The following PDE6C variants were observed in gnomAD, a reference collection of about 807,000 sequenced individuals.
PDE6C encodes phosphodiesterase 6C.
In PDE6C, 75 loss-of-function variants were observed where a neutral mutation model predicts 113.1. The ratio of observed to expected loss-of-function variants is 0.66; its 90% CI spans 0.55 to 0.80. PDE6C has a LOEUF of 0.80. Ranked by LOEUF, PDE6C falls within the 30% of genes least tolerant of loss-of-function variation. PDE6C has a pLI of 0.00. For synonymous variants in PDE6C, 375 were observed against 363.7 expected, an observed-to-expected ratio of 1.03 and a Z score of -0.35; for missense variants, 912 against 1,038.6, an observed-to-expected ratio of 0.88 and a Z score of 1.67.
At chr10:93,619,724 C>A (rs544668753) in intron 1 of PDE6C, among the ~76,000 whole-genome samples, 2 of 152,218 alleles carry the variant, frequency 1.3e-5, no homozygotes, top group African/African-American at 4.8e-5. Flanking sequence ...CCCCGCCCAG[C>A]CTCAGAATGT....
rs1328017393 is a variant in PDE6C, at chr10:93,625,651, T to C, written c.939+2T>C. On this transcript the variant is annotated splice_donor_variant, in intron 5 of 21. Transcript: ENST00000371447. LOFTEE classifies it high-confidence loss of function. ...GGTCCAAAGACACCTGATGGCAGGG[T>C]ACGTGCAAATGTCTTCCTTGATGCC... 1.2e-6 allele frequency: 2 copies of C among 1,604,018 alleles called. No individual in the cohort carries two copies. The highest frequency in any genetic ancestry group is 4.5e-5 in the East Asian group (2 of 44,824).
chr10:93,662,590 T>C lies in PDE6C; in HGVS notation c.2314T>C (p.Leu772=). 2.7e-6 allele frequency: 4 copies of C among 1,506,576 alleles called. No individual in the cohort carries two copies. The highest frequency in any genetic ancestry group is 3.7e-6 in the Non-Finnish European group (4 of 1,082,072). The allele number at this position is 1,506,576 out of a possible 1,614,324, so 93.3% of individuals were successfully genotyped here. ...PMMDRNKRDE[L]PKLQVGFIDF... ...GATGGACAGAAACAAAAGAGATGAATTACCTAAACTTCAAGTTGGATTTAT... is the reference window on the plus strand; with the variant it reads ...GATGGACAGAAACAAAAGAGATGAACTACCTAAACTTCAAGTTGGATTTAT... The change falls in exon 20 of 22, where the codon TTA becomes CTA. Residue 772 remains leucine, a synonymous_variant. Transcript: ENST00000371447.
chr10:93,627,002 C>A, intron 7 of PDE6C, 131 bp downstream of exon 7: 1 of 775,990 alleles, frequency 1.3e-6, no homozygotes, highest in Non-Finnish European at 2.2e-6. Context: ...GTGGCTCATG[C>A]CTGTAATCCC....
At chr10:93,655,610 C>CAAAA in intron 15 of PDE6C, 150 bp from the exon 16 acceptor site, 27 of 331,714 alleles carry the variant, frequency 8.1e-5, no homozygotes, top group African/African-American at 4.5e-4. Context: ...AAAAGCAAGC[C>CAAAA]AAAAAAAAAA....
At chr10:93,613,333 A>G in intron 1 of PDE6C, 128 bp downstream of exon 1, 2 of 1,328,190 alleles carry the variant, frequency 1.5e-6, no homozygotes, top group Admixed American at 2.0e-5. Context: ...GTGGCAGGGA[A>G]GAGGATCACC....
intron 3 of PDE6C, 139 bp from the exon 4 acceptor site, chr10:93,621,793 A>G (rs1257238660): frequency 5.3e-6 from 4 of 761,428 alleles, no homozygotes; most frequent in East Asian, 5.2e-5. Context: ...GGATGTACAC[A>G]TGTTCAAAAT....
chr10:93,613,274 A>G (rs2058401703), intron 1 of PDE6C, 69 bp downstream of exon 1: 1 of 1,595,482 alleles, frequency 6.3e-7, no homozygotes, highest in East Asian at 2.2e-5. Flanking sequence ...GGAAAGAGAG[A>G]TAGTGCTATC....
At chr10:93,625,004 C>T (rs1421051751) in intron 4 of PDE6C, among the ~76,000 whole-genome samples, 5 of 152,178 alleles carry the variant, frequency 3.3e-5, no homozygotes, top group Admixed American at 3.3e-4. Context: ...TGCCAGTAGT[C>T]CCTCAGCAGA....
intron 11 of PDE6C, 139 bp downstream of exon 11, chr10:93,637,202 G>T (rs1409643668): frequency 3.1e-6 from 2 of 648,772 alleles, no homozygotes; most frequent in East Asian, 5.5e-5. Context: ...TAAAAAGAAA[G>T]AATTCTTCTA....
chr10:93,652,538 C>T lies in PDE6C; in HGVS notation c.1936-3222C>T, dbSNP rs547815306. ...GCAGTACTGAAATGGTGACTATAAA[C>T]CCTTTTTCTTCATTATATCAATTTT... On this transcript the variant is annotated intron_variant, in intron 15 of 21. Coordinates refer to ENST00000371447, the MANE Select transcript of PDE6C (RefSeq NM_006204.4). Among the ~76,000 whole-genome samples, 5 of 152,252 alleles carry T rather than the reference C, an allele frequency of 3.3e-5. No individual in the cohort carries two copies. In the South Asian group the frequency reaches 1.0e-3, roughly 32 times the overall value.
chr10:93,613,001 G>A lies in PDE6C; in HGVS notation c.276G>A (p.Gln92=). 6.2e-7 allele frequency: 1 copy of A among 1,614,124 alleles called. No individual in the cohort carries two copies. Among genetic ancestry groups the A allele is most frequent in the South Asian group, 1.1e-5 (1 of 91,086 alleles). Residue 92 remains glutamine, a synonymous_variant, in exon 1 of 22, where the codon CAG becomes CAA. Coordinates refer to ENST00000371447, the MANE Select transcript of PDE6C (RefSeq NM_006204.4). ...RALQRLAHLL[Q]ADRCSMFLCR... ...TGCAGAGGCTGGCCCACCTGCTCCA[G>A]GCTGACCGCTGCAGCATGTTCCTGT... is the stretch of plus-strand genomic sequence containing the variant.
intron 3 of PDE6C, among the ~76,000 whole-genome samples, chr10:93,621,360 T>C (rs571934286): frequency 6.6e-6 from 1 of 152,334 alleles, no homozygotes; most frequent in Admixed American, 6.5e-5. Context: ...CCTATTAATT[T>C]GAGGAGCATA....
rs927835370 is a variant in PDE6C, at chr10:93,629,431, T to C, written c.1119+126T>C. On this transcript the variant is annotated intron_variant, in intron 8 of 21. Transcript: ENST00000371447. Reference sequence around the variant, plus strand: ...GTGGCCACAGGCACACACGGGTCCATCTCCCACTCACCCTGGCTGGGCCAG... The same window carrying C: ...GTGGCCACAGGCACACACGGGTCCACCTCCCACTCACCCTGGCTGGGCCAG... 4 of 780,152 alleles carry C rather than the reference T, an allele frequency of 5.1e-6. No homozygotes were observed. The South Asian group carries it at 5.5e-5, about 11-fold the overall frequency. 48.3% of individuals were successfully genotyped at this position (780,152 alleles called of 1,614,324 possible).
rs117998577 is a variant in PDE6C at position 93,616,153 on chromosome 10, T to G, written c.480+2948T>G. Reference sequence around the variant, plus strand: ...ATATTTTTATTTCCAGCCTGTGTAGTAGGAATCGTTCAAAGTTAGGTAGAC... The same window carrying G: ...ATATTTTTATTTCCAGCCTGTGTAGGAGGAATCGTTCAAAGTTAGGTAGAC... On this transcript the variant is annotated intron_variant, in intron 1 of 21. Coordinates refer to ENST00000371447, the MANE Select transcript of PDE6C (RefSeq NM_006204.4). Among the ~76,000 whole-genome samples, 479 of 152,288 alleles carry G rather than the reference T, an allele frequency of 3.1e-3. 5 individuals are homozygous for G. The highest frequency in any genetic ancestry group is 4.6e-3 in the Non-Finnish European group (312 of 68,028).
rs71031526 is a variant in PDE6C, at chr10:93,657,328, ATTTTTTTTTTT to A, written c.2036+1486_2036+1496del. 2.0e-3 allele frequency among the ~76,000 whole-genome samples: 176 copies of A among 88,292 alleles called. 1 individual carries two copies. The Middle Eastern group carries it at 0.025, about 13-fold the overall frequency. The allele number at this position is 88,292 out of a possible 152,430, so 57.9% of individuals were successfully genotyped here. ...AGGCACACGTCACCACGCCTGGCTA[ATTTTTTTTTTT>A]TTTTTTTTTTTTTTTTTGTATTTTA... On this transcript the variant is annotated intron_variant, in intron 16 of 21. Transcript: ENST00000371447.
chr10:93,665,494 A>G lies in PDE6C; in HGVS notation c.*76A>G. 1.1e-6 allele frequency: 1 copy of G among 948,854 alleles called. No homozygotes were observed. The highest frequency in any genetic ancestry group is 1.7e-6 in the Non-Finnish European group (1 of 578,136). 58.8% of individuals were successfully genotyped at this position (948,854 alleles called of 1,614,324 possible). ...CCAGAAAACATTCAAAAGAACTTCA[A>G]CAAATCATCACGTAACAGGATCTTC... On this transcript the variant is annotated 3_prime_UTR_variant, in exon 22 of 22. Coordinates refer to ENST00000371447, the MANE Select transcript of PDE6C (RefSeq NM_006204.4).
chr10:93,641,098 C>G, intron 14 of PDE6C, 69 bp downstream of exon 14: 4 of 932,380 alleles, frequency 4.3e-6, no homozygotes, highest in Non-Finnish European at 7.1e-6. Flanking sequence ...GTGAGAAAAA[C>G]GCTTCTCCCT....
intron 9 of PDE6C, 131 bp from the exon 10 acceptor site, chr10:93,635,366 T>C (rs1047042999): frequency 1.4e-6 from 1 of 716,428 alleles, no homozygotes; most frequent in African/African-American, 1.8e-5. Context: ...AGTATGTTTT[T>C]CTTAAATTAA....
At chr10:93,624,632 T>C (rs1379927190) in intron 4 of PDE6C, among the ~76,000 whole-genome samples, 1 of 152,184 alleles carries the variant, frequency 6.6e-6, no homozygotes. Context: ...CTAGGAGAGC[T>C]GGGTTCTGAT....
Sources: allele counts gnomAD v4.1 joint callset (sites outside exome capture counted in the v4.1 genomes callset), GRCh38; gene constraint gnomAD v4.1.1; transcripts MANE v1.5; gene names NCBI Gene and HGNC (gene_info 2026-07-23, HGNC 2026-07-21).